The following BTD variants were observed in gnomAD, a reference collection of about 807,000 sequenced individuals.
BTD encodes the protein biocytinase.
BTD carries 13 observed loss-of-function variants against 17.7 expected under a neutral mutation model. The ratio of observed to expected loss-of-function variants is 0.74; its 90% confidence interval spans 0.48 to 1.17. The LOEUF (loss-of-function observed/expected upper bound fraction) is 1.17, where lower values mean the gene tolerates loss of function less well. Among genes scored for constraint, BTD ranks in the 50% most tolerant of loss-of-function variants. BTD has a pLI of 0.00. For missense variants in BTD, 674 were observed against 650.4 expected (o/e 1.04, Z -0.39); for synonymous variants, 240 against 245.2 (o/e 0.98, Z 0.20).
At chr3:15,616,355 C>G (rs115670064) in intron 1 of BTD, among the ~76,000 whole-genome samples, 15,326 of 152,176 alleles carry the variant, frequency 0.1, 1,003 homozygotes, top group East Asian at 0.37. Flanking sequence ...TGGCTCACAC[C>G]TGTAATCCCG....
intron 3 of BTD, among the ~76,000 whole-genome samples, chr3:15,689,265 T>C (rs770599725): frequency 5.9e-5 from 9 of 152,186 alleles, no homozygotes; most frequent in Non-Finnish European, 1.2e-4. Flanking sequence ...TAGCACAACC[T>C]TCAAAACAAC....
chr3:15,665,655 T>A (rs1254485477), intron 3 of BTD, among the ~76,000 whole-genome samples: 1 of 152,192 alleles, frequency 6.6e-6, no homozygotes, highest in Non-Finnish European at 1.5e-5. Context: ...ACCCAAACTA[T>A]ACTCCCCAAA....
At chr3:15,679,608 C>G in intron 3 of BTD, 3 of 1,487,170 alleles carry the variant, frequency 2.0e-6, no homozygotes. Flanking sequence ...AAAGGAGATA[C>G]TGGCAAAAAT....
At chr3:15,634,246 G>A (rs2065287708) in intron 1 of BTD, among the ~76,000 whole-genome samples, 1 of 152,206 alleles carries the variant, frequency 6.6e-6, no homozygotes, top group East Asian at 1.9e-4. Context: ...GTTATGAGTT[G>A]AGACTTGGAC....
At chr3:15,701,631 CA>C (rs1398166874) in intron 3 of BTD, among the ~76,000 whole-genome samples, 1 of 151,108 alleles carries the variant, frequency 6.6e-6, no homozygotes, top group Non-Finnish European at 1.5e-5. Flanking sequence ...GCAAGAAGAT[CA>C]AAACTCCGTC....
intron 3 of BTD, among the ~76,000 whole-genome samples, chr3:15,673,635 G>C (rs1009168835): frequency 1.3e-5 from 2 of 152,190 alleles, no homozygotes; most frequent in Admixed American, 1.3e-4. Context: ...GCAAGTTGTA[G>C]TAAAGAATAG....
intron 3 of BTD, among the ~76,000 whole-genome samples, chr3:15,671,140 AC>A (rs2066293732): frequency 6.6e-6 from 1 of 152,230 alleles, no homozygotes. Context: ...AAAACAGTAG[AC>A]AAACTAAGCA....
At chr3:15,683,252 T>G (rs561064115) in intron 3 of BTD, among the ~76,000 whole-genome samples, 2 of 152,330 alleles carry the variant, frequency 1.3e-5, no homozygotes, top group East Asian at 3.9e-4. Flanking sequence ...TCACTGACTT[T>G]TTTACAGAAA....
At position 15,645,386 on chromosome 3, in the gene BTD, C is replaced by G; in HGVS notation, c.1470C>G (p.Asp490Glu). 2 of 1,614,166 alleles carry G rather than the reference C, an allele frequency of 1.2e-6. No homozygotes were observed. The highest frequency in any genetic ancestry group is 2.2e-5 in the South Asian group (2 of 91,086). ...LTSGMTLEVPDQLGWENDHYF... is the reference protein window; with the variant it reads ...LTSGMTLEVPEQLGWENDHYF... ...CAGGGATGACCCTAGAAGTCCCTGA[C>G]CAGCTTGGCTGGGAGAATGACCACT... The change falls in exon 4 of 4, where the codon GAC becomes GAG. Residue 490 changes from aspartate to glutamate, a missense_variant. Asp to Glu is a conservative substitution (Grantham distance 45). Coordinates refer to ENST00000643237, the MANE Select transcript of BTD (RefSeq NM_001370658.1).
chr3:15,615,446 C>A (rs1195672781), intron 1 of BTD, among the ~76,000 whole-genome samples: 1 of 152,184 alleles, frequency 6.6e-6, no homozygotes, highest in Non-Finnish European at 1.5e-5. Flanking sequence ...TAGCTATATG[C>A]ACAGATCTCA....
chr3:15,677,652 C>CA, intron 3 of BTD: 1 of 899,480 alleles, frequency 1.1e-6, no homozygotes, highest in Non-Finnish European at 1.7e-6. Context: ...AGATACAAAG[C>CA]AAAAAAGTCC....
rs1032810586 is a variant in BTD at position 15,653,483 on chromosome 3, G to A, written c.*7995G>A. 7.9e-5 allele frequency among the ~76,000 whole-genome samples: 12 copies of A among 152,188 alleles called. No individual in the cohort carries two copies. Among genetic ancestry groups the A allele is most frequent in the African/African-American group, 2.4e-4 (10 of 41,442 alleles). On this transcript the variant is annotated 3_prime_UTR_variant, in exon 4 of 4. Coordinates refer to ENST00000643237, the MANE Select transcript of BTD (RefSeq NM_001370658.1). ...AATGCACAGCCAGTGTTTCAACGTC[G>A]CCAACCCAGAAATGTTTTCTCTCCC...
At chr3:15,676,953 CT>C in intron 3 of BTD, 1 of 1,591,286 alleles carries the variant, frequency 6.3e-7, no homozygotes, top group Non-Finnish European at 8.6e-7. Context: ...AAAGTTTATA[CT>C]AGATACTGAC....
At chr3:15,643,038 A>T (rs796210492) in intron 3 of BTD, among the ~76,000 whole-genome samples, 21 of 137,892 alleles carry the variant, frequency 1.5e-4, no homozygotes, top group African/African-American at 3.8e-4. Context: ...AAAAAAAAAA[A>T]AAAAAATAAA....
Position 15,645,040 on chromosome 3 carries a change from A to T in BTD, c.1124A>T (p.His375Leu). Residue 375 changes from histidine to leucine, a missense_variant, in exon 4 of 4, where the codon CAC becomes CTC. Transcript: ENST00000643237. ...KWNVNAPPTFHSEMMYDNFTL... is the reference protein window; with the variant it reads ...KWNVNAPPTFLSEMMYDNFTL... ...AACGTGAATGCTCCTCCCACATTTCACTCTGAGATGATGTATGACAATTTC... is the reference window on the plus strand; with the variant it reads ...AACGTGAATGCTCCTCCCACATTTCTCTCTGAGATGATGTATGACAATTTC... 4.3e-6 allele frequency: 7 copies of T among 1,614,046 alleles called. No individual in the cohort carries two copies. Among genetic ancestry groups the T allele is most frequent in the Non-Finnish European group, 5.9e-6 (7 of 1,180,010 alleles).
At chr3:15,662,931 TATC>T (rs1460862957) in intron 3 of BTD, among the ~76,000 whole-genome samples, 4 of 151,954 alleles carry the variant, frequency 2.6e-5, no homozygotes, top group Non-Finnish European at 4.4e-5. Context: ...TGAGAATTTT[TATC>T]ATGATTGTGT....
At chr3:15,675,890 C>G (rs1575089212) in intron 3 of BTD, 5 of 1,600,122 alleles carry the variant, frequency 3.1e-6, no homozygotes, top group Non-Finnish European at 8.5e-7. Context: ...AATATAGAAC[C>G]AACTTACCAT....
At chr3:15,685,097 G>C in intron 3 of BTD, 1 of 858,636 alleles carries the variant, frequency 1.2e-6, no homozygotes, top group Non-Finnish European at 1.8e-6. Flanking sequence ...TTATTAGTAC[G>C]TGAGCCTATA....
chr3:15,619,352 ACT>A (rs1319157386), intron 1 of BTD, among the ~76,000 whole-genome samples: 1 of 152,042 alleles, frequency 6.6e-6, no homozygotes, highest in Non-Finnish European at 1.5e-5. Flanking sequence ...ACAGGGTATC[ACT>A]CTGTCACACC....
Sources: allele counts gnomAD v4.1 joint callset (sites outside exome capture counted in the v4.1 genomes callset), GRCh38; gene constraint gnomAD v4.1.1; transcripts MANE v1.5; gene names NCBI Gene and HGNC (gene_info 2026-07-23, HGNC 2026-07-21).